Variants in CYP4F12 observed in about 807,000 individuals in gnomAD.
CYP4F12 encodes cytochrome P450 family 4 subfamily F member 12.
Under a neutral mutation model 56.5 loss-of-function variants are expected in CYP4F12, and 60 were observed. That is an observed-to-expected ratio of 1.06 (90% CI 0.86 to 1.32). The LOEUF is 1.32. Among genes scored for constraint, CYP4F12 ranks in the 40% most tolerant of loss-of-function variants. The pLI, the probability that CYP4F12 is intolerant of heterozygous loss-of-function variation, is 0.00. For missense variants in CYP4F12, 711 were observed against 683.5 expected, an observed-to-expected ratio of 1.04 and a Z score of -0.45; for synonymous variants, 263 against 264.9, an observed-to-expected ratio of 0.99 and a Z score of 0.07.
chr19:15,686,673 G>A (rs944065553), intron 9 of CYP4F12, among the ~76,000 whole-genome samples: 10 of 152,096 alleles, frequency 6.6e-5, no homozygotes, highest in Admixed American at 2.0e-4. Context: ...AAGGCAATGG[G>A]AAGCCATAAC....
At chr19:15,673,252 T>C (rs1173359664) in intron 1 of CYP4F12, 117 bp downstream of exon 1, 2 of 565,640 alleles carry the variant, frequency 3.5e-6, no homozygotes, top group Non-Finnish European at 6.5e-6. Flanking sequence ...TCCTGGTAAC[T>C]GGACTCCTAG....
rs1431565638 is a variant in CYP4F12 at position 15,691,536 on chromosome 19, T to C, written c.1116-4400T>C. Among the ~76,000 whole-genome samples the C allele has an allele frequency of 2.0e-5, 3 of 152,222 alleles. No individual in the cohort carries two copies. The East Asian group carries it at 5.8e-4, about 29-fold the overall frequency. ...TCCATCTTCATATTTCATCTTTTAA[T>C]GAGCATTTTCTTAAATAAGAGTGAG... On this transcript the variant is annotated intron_variant, in intron 9 of 12. Transcript: ENST00000550308.
intron 9 of CYP4F12, among the ~76,000 whole-genome samples, chr19:15,694,950 C>T (rs2008049784): frequency 6.6e-6 from 1 of 152,152 alleles, no homozygotes; most frequent in African/African-American, 2.4e-5. Flanking sequence ...GTGGCGATTC[C>T]TCAGGGATCT....
chr19:15,677,257 A>G (rs1211700136), intron 2 of CYP4F12, among the ~76,000 whole-genome samples: 1 of 88,954 alleles, frequency 1.1e-5, no homozygotes, highest in Non-Finnish European at 2.3e-5. Flanking sequence ...TCACTCACTC[A>G]TTCCTCTGCT....
At chr19:15,678,942 A>G (rs1198743545) in intron 3 of CYP4F12, among the ~76,000 whole-genome samples, 2 of 152,112 alleles carry the variant, frequency 1.3e-5, no homozygotes, top group Non-Finnish European at 2.9e-5. Context: ...TGTGACATCC[A>G]CCTATGATGG....
chr19:15,676,167 G>A (rs1186215789), intron 2 of CYP4F12, among the ~76,000 whole-genome samples: 5 of 152,042 alleles, frequency 3.3e-5, no homozygotes, highest in South Asian at 2.1e-4. Context: ...GGGGTCTGGC[G>A]TCTCAGGGTG....
chr19:15,686,708 G>A (rs3859569), intron 9 of CYP4F12, among the ~76,000 whole-genome samples: 41,726 of 151,848 alleles, frequency 0.27, 5,747 homozygotes, highest in African/African-American at 0.37. Context: ...GGGAGGGGCA[G>A]GTCATATCTG....
At chr19:15,679,906 A>G (rs1013904810) in intron 3 of CYP4F12, among the ~76,000 whole-genome samples, 1 of 152,216 alleles carries the variant, frequency 6.6e-6, no homozygotes, top group Admixed American at 6.5e-5. Context: ...GAGATGACAG[A>G]GAGTGCTATG....
intron 9 of CYP4F12, among the ~76,000 whole-genome samples, chr19:15,691,402 G>A (rs912822117): frequency 6.6e-6 from 1 of 152,346 alleles, no homozygotes; most frequent in Admixed American, 6.5e-5. Flanking sequence ...GCATTCTACA[G>A]TTGTAATAAT....
At position 15,682,426 on chromosome 19, in the gene CYP4F12, G is replaced by T; in HGVS notation, c.563G>T (p.Arg188Leu). 6.2e-7 allele frequency: 1 copy of T among 1,613,764 alleles called. No homozygotes were observed. The highest frequency in any genetic ancestry group is 8.5e-7 in the Non-Finnish European group (1 of 1,179,720). The change falls in exon 6 of 13, where the codon CGT (arginine) becomes CTT (leucine). Residue 188 changes from arginine to leucine, a missense_variant. By Grantham distance (102) the Arg-to-Leu change is moderately radical. Transcript: ENST00000550308. ...WQHLASEGSS[R>L]LDMFEHISLM... Reference sequence around the variant, plus strand: ...CACCTGGCCTCAGAGGGCAGCAGTCGTCTGGACATGTTTGAGCACATCAGC... The same window carrying T: ...CACCTGGCCTCAGAGGGCAGCAGTCTTCTGGACATGTTTGAGCACATCAGC...
At chr19:15,685,275 G>A in intron 9 of CYP4F12, 78 bp downstream of exon 9, 1 of 1,553,000 alleles carries the variant, frequency 6.4e-7, no homozygotes, top group Non-Finnish European at 8.7e-7. Flanking sequence ...TGGAGGAGTT[G>A]TTTTGTGGAT....
At chr19:15,688,573 A>G (rs1203269063) in intron 9 of CYP4F12, among the ~76,000 whole-genome samples, 3 of 152,298 alleles carry the variant, frequency 2.0e-5, no homozygotes, top group South Asian at 4.1e-4. Flanking sequence ...CTATGAAAAT[A>G]CCTTCATCAT....
intron 9 of CYP4F12, among the ~76,000 whole-genome samples, chr19:15,694,761 T>C (rs2008041945): frequency 6.6e-6 from 1 of 152,210 alleles, no homozygotes. Context: ...ATGCTCACCA[T>C]CACTGGCCAT....
Position 15,678,257 on chromosome 19 carries a change from T to A in CYP4F12, c.199-4T>A. The A allele has an allele frequency of 6.2e-7, 1 of 1,614,184 alleles. No individual in the cohort carries two copies. Among genetic ancestry groups the A allele is most frequent in the Non-Finnish European group, 8.5e-7 (1 of 1,180,010 alleles). On this transcript the variant is annotated splice_region_variant and splice_polypyrimidine_tract_variant and intron_variant, in intron 2 of 12. Transcript: ENST00000550308. ...GGAAGTGACAGCCCTTGACTTGCTT[T>A]CAGATCACTCCTACAGAGGAGGGCT...
rs374175073 is a variant in CYP4F12 at position 15,696,500 on chromosome 19, C to T, written c.1385C>T (p.Ser462Phe). 9 of 1,613,890 alleles carry T rather than the reference C, an allele frequency of 5.6e-6. No individual in the cohort carries two copies. Among genetic ancestry groups the T allele is most frequent in the African/African-American group, 2.7e-5 (2 of 74,888 alleles). Reference sequence around the variant, plus strand: ...TCACCTCTGGCTTTTATTCCTTTCTCCGCAGGGCCCAGGTAAGAGCGCCCT... The same window carrying T: ...TCACCTCTGGCTTTTATTCCTTTCTTCGCAGGGCCCAGGTAAGAGCGCCCT... ...GRSPLAFIPF[S>F]AGPRNCIGQA... The change falls in exon 12 of 13, where the codon TCC becomes TTC. Residue 462 changes from serine (S) to phenylalanine (F), a missense_variant. Transcript: ENST00000550308.
chr19:15,681,580 C>T (rs2007302229), intron 5 of CYP4F12: 1 of 152,204 alleles, frequency 6.6e-6, no homozygotes, highest in South Asian at 2.1e-4. Flanking sequence ...TCATGCAGTA[C>T]ATTGCATGAC....
At chr19:15,690,266 G>T (rs1046503300) in intron 9 of CYP4F12, among the ~76,000 whole-genome samples, 1 of 152,086 alleles carries the variant, frequency 6.6e-6, no homozygotes, top group Non-Finnish European at 1.5e-5. Context: ...TATGATATAT[G>T]TATACAACGT....
intron 7 of CYP4F12, chr19:15,684,342 A>G (rs1965060238): frequency 6.3e-6 from 1 of 159,240 alleles, no homozygotes. Flanking sequence ...CGTATAAACT[A>G]CCCCTCTCCT....
chr19:15,675,517 C>CACCAGCT (rs1429155149), intron 2 of CYP4F12, among the ~76,000 whole-genome samples: 1 of 152,194 alleles, frequency 6.6e-6, no homozygotes, highest in Non-Finnish European at 1.5e-5. Context: ...AGGGATATGT[C>CACCAGCT]CTGAGGCCAC....
Sources: gnomAD v4.1 joint callset for allele counts (sites outside exome capture counted in the v4.1 genomes callset) on GRCh38, gnomAD v4.1.1 for gene constraint, MANE v1.5 for transcripts, NCBI Gene and HGNC (gene_info 2026-07-23, HGNC 2026-07-21) for gene names.